Variants in AGMO observed in about 807,000 individuals in gnomAD.
The protein encoded by AGMO is alkylglycerol monooxygenase.
A neutral mutation model predicts 60.2 loss-of-function variants in AGMO; 75 were observed. That is an observed-to-expected ratio of 1.25 (90% CI 1.03 to 1.51). The LOEUF (loss-of-function observed/expected upper bound fraction) is 1.51, where lower values mean the gene tolerates loss of function less well. Ranked by LOEUF, AGMO falls within the 40% of genes most tolerant of loss-of-function variation. AGMO has a pLI of 0.00. For missense variants in AGMO, 763 were observed against 525.5 expected, an observed-to-expected ratio of 1.45 and a Z score of -4.42; for synonymous variants, 261 against 177.1, an observed-to-expected ratio of 1.47 and a Z score of -3.76.
At chr7:15,271,673 G>A (rs1309640048) in intron 12 of AGMO, among the ~76,000 whole-genome samples, 1 of 152,108 alleles carries the variant, frequency 6.6e-6, no homozygotes, top group East Asian at 1.9e-4. Flanking sequence ...TCACTTGCCT[G>A]ATTGCTATAG....
Position 15,431,007 on chromosome 7 carries a change from A to G in AGMO, c.511T>C (p.Trp171Arg). Reference sequence around the variant, plus strand: ...TTATTCCATTTCATACAACTTACCCAGGAAGTATATATCTGGAGGACAGAC... The same window carrying G: ...TTATTCCATTTCATACAACTTACCCGGGAAGTATATATCTGGAGGACAGAC... ...RQSVLQIYTS[W>R]IFYSPLALFI... The change falls in exon 4 of 13, where the codon TGG becomes CGG. Residue 171 changes from tryptophan (W) to arginine (R), a missense_variant and splice_region_variant. By Grantham distance (101) the Trp-to-Arg change is moderately radical. Coordinates refer to ENST00000342526, the MANE Select transcript of AGMO (RefSeq NM_001004320.2). 6.3e-7 allele frequency: 1 copy of G among 1,577,366 alleles called. No homozygotes were observed. Among genetic ancestry groups the G allele is most frequent in the Non-Finnish European group, 8.7e-7 (1 of 1,154,896 alleles).
intron 12 of AGMO, among the ~76,000 whole-genome samples, chr7:15,299,604 T>C (rs777983046): frequency 9.2e-5 from 14 of 152,070 alleles, no homozygotes; most frequent in East Asian, 1.9e-4. Flanking sequence ...GGCGGGCAGA[T>C]TGCCTGAGCT....
At chr7:15,369,211 C>A (rs1366044168) in intron 10 of AGMO, among the ~76,000 whole-genome samples, 1 of 152,052 alleles carries the variant, frequency 6.6e-6, no homozygotes, top group Non-Finnish European at 1.5e-5. Context: ...TGTTGAAATA[C>A]TCCCCTAACT....
intron 12 of AGMO, among the ~76,000 whole-genome samples, chr7:15,320,335 A>T (rs1043231332): frequency 6.6e-6 from 1 of 152,066 alleles, no homozygotes; most frequent in East Asian, 1.9e-4. Context: ...AGTCAAAAAC[A>T]AATTTTCACA....
At chr7:15,212,602 C>G (rs565604567) in intron 12 of AGMO, among the ~76,000 whole-genome samples, 33 of 152,038 alleles carry the variant, frequency 2.2e-4, no homozygotes, top group Middle Eastern at 3.4e-3. Flanking sequence ...TTTCTACTGA[C>G]TTAGCTTACT....
chr7:15,362,801 C>G (rs935390871), intron 12 of AGMO, among the ~76,000 whole-genome samples: 7 of 152,166 alleles, frequency 4.6e-5, no homozygotes, highest in Non-Finnish European at 1.0e-4. Flanking sequence ...ATTGATAAGA[C>G]ATTTTACTAT....
chr7:15,492,261 G>C (rs117624789), intron 3 of AGMO, among the ~76,000 whole-genome samples: 3,853 of 149,996 alleles, frequency 0.026, 75 homozygotes, highest in Middle Eastern at 0.05. Context: ...AGAGTTTGTA[G>C]TTCCTTCCTG....
intron 3 of AGMO, among the ~76,000 whole-genome samples, chr7:15,432,145 G>T (rs981850164): frequency 4.6e-5 from 7 of 151,496 alleles, no homozygotes; most frequent in Non-Finnish European, 7.4e-5. Flanking sequence ...GCCAGTATAG[G>T]TTAGAAATTA....
In AGMO at chr7:15,305,436, A is replaced by G. The variant is rs1237440351; in HGVS notation, c.1263+60078T>C. On this transcript the variant is annotated intron_variant, in intron 12 of 12. Transcript: ENST00000342526. ...GTGCATCTGGGTTCACTGGTGAAAC[A>G]TGAATGATCAAAGTTCAACATGTTG... Among the ~76,000 whole-genome samples, 3 of 152,054 alleles carry G rather than the reference A, an allele frequency of 2.0e-5. No homozygotes were observed. The East Asian group carries it at 5.8e-4, about 29-fold the overall frequency.
chr7:15,293,021 C>T (rs902293406), intron 12 of AGMO, among the ~76,000 whole-genome samples: 1 of 151,996 alleles, frequency 6.6e-6, no homozygotes, highest in Non-Finnish European at 1.5e-5. Context: ...ACTTGGCCTC[C>T]CAAAGTGCTG....
intron 12 of AGMO, among the ~76,000 whole-genome samples, chr7:15,254,299 G>T (rs182612120): frequency 3.3e-5 from 5 of 152,026 alleles, no homozygotes; most frequent in African/African-American, 9.7e-5. Flanking sequence ...TTAACTTTTT[G>T]AGGAACTTCT....
chr7:15,354,223 T>G (rs982463056), intron 12 of AGMO, among the ~76,000 whole-genome samples: 1 of 146,344 alleles, frequency 6.8e-6, no homozygotes, highest in Non-Finnish European at 1.5e-5. Context: ...AGTCCATCAG[T>G]TATTTTCTAT....
At chr7:15,125,180 T>C in the AGMO span, among the ~76,000 whole-genome samples, 1 of 152,130 alleles carries the variant, frequency 6.6e-6, no homozygotes, top group Non-Finnish European at 1.5e-5. Context: ...AACAGTATTA[T>C]GCAGTTTGTT....
chr7:15,384,644 C>T (rs1391858805), intron 10 of AGMO, among the ~76,000 whole-genome samples: 1 of 152,008 alleles, frequency 6.6e-6, no homozygotes, highest in African/African-American at 2.4e-5. Context: ...GGGGTGCTTA[C>T]TTTATTGGTA....
chr7:15,182,657 C>G, the AGMO span, among the ~76,000 whole-genome samples: 2 of 152,114 alleles, frequency 1.3e-5, no homozygotes, highest in African/African-American at 2.4e-5. Flanking sequence ...GCTCAAGTGA[C>G]CCACCTGTCT....
Position 15,370,179 on chromosome 7 carries a change from T to C in AGMO, c.1075-3957A>G, listed in dbSNP as rs28718079. ...ATTTGGTTTTCTGCTCCTGCACTAA[T>C]TCACCTGGAGTAATGGCCTCCAGCT... On this transcript the variant is annotated intron_variant, in intron 10 of 12. Coordinates refer to ENST00000342526, the MANE Select transcript of AGMO (RefSeq NM_001004320.2). Among the ~76,000 whole-genome samples, 1,129 of 152,282 alleles carry C rather than the reference T, an allele frequency of 7.4e-3. 13 individuals carry two copies. The highest frequency in any genetic ancestry group is 0.026 in the African/African-American group (1,067 of 41,560).
At chr7:15,422,785 G>A (rs748432913) in intron 4 of AGMO, among the ~76,000 whole-genome samples, 11 of 152,122 alleles carry the variant, frequency 7.2e-5, no homozygotes, top group Non-Finnish European at 7.4e-5. Flanking sequence ...ACAAGAGGAA[G>A]CCTGCAGCAC....
intron 3 of AGMO, among the ~76,000 whole-genome samples, chr7:15,472,474 G>A (rs979592726): frequency 6.6e-6 from 1 of 151,764 alleles, no homozygotes; most frequent in Non-Finnish European, 1.5e-5. Flanking sequence ...GAACAACTCT[G>A]GAATCACAGT....
intron 5 of AGMO, among the ~76,000 whole-genome samples, chr7:15,418,084 T>A (rs1780824545): frequency 6.6e-6 from 1 of 152,092 alleles, no homozygotes; most frequent in African/African-American, 2.4e-5. Flanking sequence ...CAATTTTAAA[T>A]AAAATTTAAT....
Sources: allele counts gnomAD v4.1 joint callset (sites outside exome capture counted in the v4.1 genomes callset), GRCh38; gene constraint gnomAD v4.1.1; transcripts MANE v1.5; gene names NCBI Gene and HGNC (gene_info 2026-07-23, HGNC 2026-07-21).